The following C4orf51 variants were observed in gnomAD, a reference collection of about 807,000 sequenced individuals.
C4orf51 encodes chromosome 4 open reading frame 51.
C4orf51 carries 25 observed loss-of-function variants against 25.2 expected under a neutral mutation model. That is an observed-to-expected ratio of 0.99 (90% CI 0.72 to 1.39). C4orf51 has a LOEUF of 1.39. Ranked by LOEUF, C4orf51 falls within the 40% of genes most tolerant of loss-of-function variation. C4orf51 has a pLI of 0.00. For missense variants in C4orf51, 252 were observed against 239.6 expected, an observed-to-expected ratio of 1.05 and a Z score of -0.34; for synonymous variants, 100 against 84.5, an observed-to-expected ratio of 1.18 and a Z score of -1.01.
At position 145,746,100 on chromosome 4, in the gene C4orf51, C is replaced by A. The variant is rs113218821; in HGVS notation, n.168-8107C>A. Among the ~76,000 whole-genome samples the A allele has an allele frequency of 1.6e-3, 241 of 152,146 alleles. 1 individual carries two copies. The highest frequency in any genetic ancestry group is 5.5e-3 in the African/African-American group (227 of 41,522). On this transcript the variant is annotated intron_variant and non_coding_transcript_variant, in intron 1 of 1. Coordinates refer to the C4orf51 transcript ENST00000508981. ...TTTTTCTATGGAGTTGTTTGAACTC[C>A]TTATATATTCTGATTACTAATCCCT... is the stretch of plus-strand genomic sequence containing the variant.
At chr4:145,715,312 C>A (rs1270430089) in intron 2 of C4orf51, among the ~76,000 whole-genome samples, 1 of 152,160 alleles carries the variant, frequency 6.6e-6, no homozygotes, top group Non-Finnish European at 1.5e-5. Context: ...CTGTTTGCAG[C>A]CTCCCTCACC....
intron 1 of C4orf51, among the ~76,000 whole-genome samples, chr4:145,748,455 G>A (rs187768486): frequency 6.6e-6 from 1 of 151,838 alleles, no homozygotes; most frequent in East Asian, 1.9e-4. Context: ...TCTTGCTTTT[G>A]TAGTTCTTTA....
chr4:145,745,147 G>A (rs901706608), intron 1 of C4orf51, among the ~76,000 whole-genome samples: 1 of 152,242 alleles, frequency 6.6e-6, no homozygotes, highest in East Asian at 1.9e-4. Flanking sequence ...GATGCAGCAT[G>A]CAATGCATAA....
chr4:145,705,230 C>T (rs142158038), intron 2 of C4orf51, among the ~76,000 whole-genome samples: 32 of 152,352 alleles, frequency 2.1e-4, no homozygotes, highest in African/African-American at 6.0e-4. Flanking sequence ...ATTCATCAAA[C>T]TCCTGAGATC....
intron 2 of C4orf51, among the ~76,000 whole-genome samples, chr4:145,699,300 A>C (rs1197025671): frequency 1.1e-5 from 1 of 90,692 alleles, no homozygotes; most frequent in African/African-American, 4.8e-5. Flanking sequence ...TGGATCAGGG[A>C]CCTCCCTTGG....
chr4:145,781,420 T>C, the C4orf51 span, among the ~76,000 whole-genome samples: 1 of 152,026 alleles, frequency 6.6e-6, no homozygotes, highest in Admixed American at 6.6e-5. Context: ...TGAATATATG[T>C]CTGGAAATGG....
intron 1 of C4orf51, among the ~76,000 whole-genome samples, chr4:145,770,600 A>T (rs2126910869): frequency 6.6e-6 from 1 of 151,910 alleles, no homozygotes; most frequent in African/African-American, 2.4e-5. Flanking sequence ...ATAATAAAAT[A>T]TAATAATAAT....
At chr4:145,705,528 TA>T (rs1227424294) in intron 2 of C4orf51, among the ~76,000 whole-genome samples, 7 of 152,286 alleles carry the variant, frequency 4.6e-5, no homozygotes, top group African/African-American at 1.7e-4. Context: ...CAGTCTTCTG[TA>T]ACTGATTCCT....
At chr4:145,717,895 T>C (rs1226112736) in intron 2 of C4orf51, among the ~76,000 whole-genome samples, 1 of 152,230 alleles carries the variant, frequency 6.6e-6, no homozygotes, top group Non-Finnish European at 1.5e-5. Flanking sequence ...CTAATACAAA[T>C]CCAATATTAT....
At chr4:145,789,348 G>A in the C4orf51 span, among the ~76,000 whole-genome samples, 1 of 151,990 alleles carries the variant, frequency 6.6e-6, no homozygotes, top group East Asian at 1.9e-4. Context: ...TCCAATTTTG[G>A]CAGTTTATCT....
the C4orf51 span, chr4:145,779,635 T>C: frequency 7.7e-7 from 1 of 1,297,346 alleles, no homozygotes. Flanking sequence ...TGCAAATGAG[T>C]CTCCGTAACT....
At chr4:145,734,195 A>T (rs531220403), downstream of C4orf51, among the ~76,000 whole-genome samples, 74 of 152,298 alleles carry the variant, frequency 4.9e-4, no homozygotes, top group African/African-American at 1.7e-3. Context: ...GCAAAGAACA[A>T]ATATTTGCTT....
intron 4 of C4orf51, among the ~76,000 whole-genome samples, chr4:145,729,538 T>G (rs1353122539): frequency 6.6e-6 from 1 of 152,148 alleles, no homozygotes; most frequent in African/African-American, 2.4e-5. Context: ...TCCGACCTTG[T>G]GATCCTCCCT....
chr4:145,770,866 G>T (rs1016945764), intron 1 of C4orf51: 1 of 152,132 alleles, frequency 6.6e-6, no homozygotes, highest in Non-Finnish European at 1.5e-5. Flanking sequence ...AAGCCTCTTG[G>T]TATATACAGC....
the C4orf51 span, among the ~76,000 whole-genome samples, chr4:145,782,858 C>T: frequency 6.6e-6 from 1 of 152,194 alleles, no homozygotes; most frequent in East Asian, 1.9e-4. Flanking sequence ...ATCAACTGTT[C>T]CTCCACCAAA....
At chr4:145,746,490 G>A (rs1471587000) in intron 1 of C4orf51, among the ~76,000 whole-genome samples, 1 of 152,082 alleles carries the variant, frequency 6.6e-6, no homozygotes, top group East Asian at 1.9e-4. Context: ...CCCAAGGTAT[G>A]TTCTTGGCAC....
In C4orf51 at chr4:145,728,097, C is replaced by T. The variant is rs114315715; in HGVS notation, c.367-1072C>T. Among the ~76,000 whole-genome samples, 1,144 of 146,118 alleles carry T rather than the reference C, an allele frequency of 7.8e-3. 6 individuals are homozygous for T. Among genetic ancestry groups the T allele is most frequent in the Non-Finnish European group, 0.013 (849 of 67,040 alleles). The stretch of plus-strand genomic sequence containing the variant: ...CATATAAGGAGGCATTTAAGGTTTT[C>T]TAATTTATAACTACTGTAACCAATG... On this transcript the variant is annotated intron_variant, in intron 3 of 5. Transcript: ENST00000438731.
Position 145,729,154 on chromosome 4 carries a change from C to G in C4orf51, c.367-15C>G. 1.3e-6 allele frequency: 2 copies of G among 1,557,086 alleles called. No homozygotes were observed. The highest frequency in any genetic ancestry group is 1.8e-6 in the Non-Finnish European group (2 of 1,131,510). ...GAAAGTGGTTGGTATTTATTTCTAT[C>G]TCTCCTTTTTATAGGCACATCAAAT... On this transcript the variant is annotated splice_polypyrimidine_tract_variant and intron_variant, in intron 3 of 5. Transcript: ENST00000438731.
intron 1 of C4orf51, among the ~76,000 whole-genome samples, chr4:145,768,749 T>G (rs941973434): frequency 2.1e-5 from 3 of 144,848 alleles, no homozygotes; most frequent in Non-Finnish European, 4.5e-5. Flanking sequence ...TCCCAGCTAC[T>G]TGGGAGGGTG....
Sources: gnomAD v4.1 joint callset for allele counts (sites outside exome capture counted in the v4.1 genomes callset) on GRCh38, gnomAD v4.1.1 for gene constraint, MANE v1.5 for transcripts, NCBI Gene and HGNC (gene_info 2026-07-23, HGNC 2026-07-21) for gene names.